The following DST variants were observed in gnomAD, a reference collection of about 807,000 sequenced individuals.
DST encodes the protein bullous pemphigoid antigen.
DST carries 253 observed loss-of-function variants against 875.2 expected under a neutral mutation model. The ratio of observed to expected loss-of-function variants is 0.29; its 90% CI spans 0.26 to 0.32. DST has a LOEUF of 0.32. Among genes scored for constraint, DST ranks in the 10% least tolerant of loss-of-function variants. The pLI, the probability that DST is intolerant of heterozygous loss-of-function variation, is 1.00. For missense variants in DST, 8,287 were observed against 9,111.6 expected, an observed-to-expected ratio of 0.91 and a Z score of 3.68; for synonymous variants, 3,124 against 3,197.1, an observed-to-expected ratio of 0.98 and a Z score of 0.77.
intron 103 of DST, 73 bp from the exon 104 acceptor site, chr6:56,459,340 C>A: frequency 6.8e-7 from 1 of 1,464,696 alleles, no homozygotes. Context: ...AAACCCGATG[C>A]CACCTTTAAT....
chr6:56,657,741 G>A (rs868476438), intron 10 of DST, among the ~76,000 whole-genome samples: 12 of 152,078 alleles, frequency 7.9e-5, no homozygotes, highest in Non-Finnish European at 1.3e-4. Context: ...TAAATTTTAT[G>A]CACCTTATCA....
chr6:56,772,763 T>C (rs558102362), intron 4 of DST, among the ~76,000 whole-genome samples: 122 of 152,270 alleles, frequency 8.0e-4, no homozygotes, highest in African/African-American at 2.9e-3. Context: ...TTCAGAGTCA[T>C]TGTGATAGCC....
In DST at chr6:56,561,683, T is replaced by C. The variant is rs371130297; in HGVS notation, c.14069-134A>G. The C allele has an allele frequency of 3.8e-6, 3 of 790,144 alleles. No individual in the cohort carries two copies. The East Asian group carries it at 7.9e-5, about 21-fold the overall frequency. 48.9% of individuals were successfully genotyped at this position (790,144 alleles called of 1,614,324 possible). The stretch of plus-strand genomic sequence containing the variant: ...TTATTAAGCCTAGTAGATAAAGTCA[T>C]AAGCTTTTCAGAAATAAAAGTTTGG... On this transcript the variant is annotated intron_variant, in intron 56 of 103. Transcript: ENST00000680361.
intron 4 of DST, among the ~76,000 whole-genome samples, chr6:56,760,267 T>C (rs868527199): frequency 1.4e-4 from 21 of 152,202 alleles, no homozygotes; most frequent in South Asian, 8.3e-4. Flanking sequence ...TGGGGTAATA[T>C]GGGTAAGGAC....
At chr6:56,573,956 G>T in intron 50 of DST, 69 bp from the exon 51 acceptor site, 2 of 1,112,812 alleles carry the variant, frequency 1.8e-6, no homozygotes, top group South Asian at 1.7e-5. Context: ...AAAAACACAT[G>T]AAGGTGAATC....
intron 3 of DST, among the ~76,000 whole-genome samples, chr6:56,871,903 A>C (rs1777367479): frequency 6.6e-6 from 1 of 152,182 alleles, no homozygotes; most frequent in African/African-American, 2.4e-5. Context: ...AATTAAGTCT[A>C]ATATTACTAT....
chr6:56,707,618 C>T (rs1331119661), intron 5 of DST, among the ~76,000 whole-genome samples: 9 of 152,166 alleles, frequency 5.9e-5, no homozygotes, highest in South Asian at 4.1e-4. Context: ...ACCAGACTTA[C>T]ATTTCACTCT....
intron 9 of DST, among the ~76,000 whole-genome samples, chr6:56,672,010 G>T (rs1241703534): frequency 3.9e-5 from 6 of 152,160 alleles, no homozygotes; most frequent in Non-Finnish European, 7.3e-5. Flanking sequence ...TTTACTAACA[G>T]ACTATAAACA....
chr6:56,953,348 G>T (rs9382669), intron 2 of DST, among the ~76,000 whole-genome samples: 35,046 of 152,126 alleles, frequency 0.23, 4,187 homozygotes, highest in African/African-American at 0.26. Context: ...GAGAGCTTTA[G>T]GAGAAAACAG....
intron 4 of DST, among the ~76,000 whole-genome samples, chr6:56,849,092 T>C (rs181419470): frequency 2.0e-5 from 3 of 152,032 alleles, no homozygotes; most frequent in African/African-American, 7.2e-5. Flanking sequence ...CTACTGTTTG[T>C]TGTTTCATTT....
intron 10 of DST, among the ~76,000 whole-genome samples, chr6:56,653,358 G>A (rs1453138234): frequency 1.3e-5 from 2 of 152,076 alleles, no homozygotes; most frequent in African/African-American, 4.8e-5. Context: ...AAGAAAATTA[G>A]TTAAACAAAA....
intron 3 of DST, among the ~76,000 whole-genome samples, chr6:56,862,498 G>A (rs948811666): frequency 2.0e-5 from 3 of 152,064 alleles, no homozygotes; most frequent in South Asian, 2.1e-4. Context: ...AGCAGGTGGT[G>A]GATGAAGATC....
chr6:56,893,135 G>C (rs1788419339), intron 3 of DST, among the ~76,000 whole-genome samples: 1 of 152,102 alleles, frequency 6.6e-6, no homozygotes, highest in African/African-American at 2.4e-5. Context: ...CATACTGTTG[G>C]CTTTTATCCC....
At chr6:56,742,331 G>A (rs1255763377) in intron 4 of DST, 3 of 1,289,696 alleles carry the variant, frequency 2.3e-6, no homozygotes, top group Admixed American at 4.6e-5. Flanking sequence ...TTCATGAGCT[G>A]CCCCATCATT....
intron 55 of DST, 117 bp from the exon 56 acceptor site, chr6:56,562,317 C>G (rs2097548642): frequency 1.0e-5 from 5 of 481,806 alleles, no homozygotes; most frequent in Non-Finnish European, 1.7e-5. Flanking sequence ...ACTGACTCAA[C>G]TTCAAAATCA....
intron 90 of DST, among the ~76,000 whole-genome samples, chr6:56,480,784 C>A (rs2095376219): frequency 6.6e-6 from 1 of 152,070 alleles, no homozygotes; most frequent in Non-Finnish European, 1.5e-5. Flanking sequence ...AGTGGTGATA[C>A]CACAAATAGG....
intron 4 of DST, among the ~76,000 whole-genome samples, chr6:56,828,208 A>C (rs2099783079): frequency 1.3e-5 from 2 of 152,216 alleles, no homozygotes. Flanking sequence ...CTTATAGTTA[A>C]CTAGGAAACA....
chr6:56,469,037 T>C, intron 97 of DST, 38 bp from the exon 98 acceptor site: 1 of 1,534,656 alleles, frequency 6.5e-7, no homozygotes, highest in South Asian at 1.2e-5. Flanking sequence ...ACACAATTAG[T>C]TCAACAGGAA....
At chr6:56,619,059 A>G (rs760881504) in intron 36 of DST, 4 of 1,613,794 alleles carry the variant, frequency 2.5e-6, no homozygotes, top group African/African-American at 1.3e-5. Context: ...TCACTTACCA[A>G]ATTTTGACTT....
Sources: allele counts gnomAD v4.1 joint callset (sites outside exome capture counted in the v4.1 genomes callset), GRCh38; gene constraint gnomAD v4.1.1; transcripts MANE v1.5; gene names NCBI Gene and HGNC (gene_info 2026-07-23, HGNC 2026-07-21).